Variants in MAPKAP1 observed in about 807,000 individuals in gnomAD.
MAPKAP1 encodes the protein MAPK associated protein 1.
MAPKAP1 carries 20 observed loss-of-function variants against 65.7 expected under a neutral mutation model. The ratio of observed to expected loss-of-function variants is 0.30; its 90% CI spans 0.21 to 0.44. The LOEUF is 0.44. Ranked by LOEUF, MAPKAP1 falls within the 20% of genes least tolerant of loss-of-function variation. The probability of loss-of-function intolerance (pLI) is 1.00; values close to 1 mark genes in which losing one functional copy is unlikely to be tolerated. For missense variants in MAPKAP1, 423 were observed against 648.0 expected, an observed-to-expected ratio of 0.65 and a Z score of 3.77; for synonymous variants, 222 against 244.3, an observed-to-expected ratio of 0.91 and a Z score of 0.85.
chr9:125,497,549 T>C (rs1828843808), intron 8 of MAPKAP1, among the ~76,000 whole-genome samples: 1 of 152,240 alleles, frequency 6.6e-6, no homozygotes, highest in Non-Finnish European at 1.5e-5. Flanking sequence ...GCCTAAAATG[T>C]TGTTATAATA....
At chr9:125,694,719 A>G (rs1316574303) in intron 1 of MAPKAP1, among the ~76,000 whole-genome samples, 1 of 152,230 alleles carries the variant, frequency 6.6e-6, no homozygotes, top group African/African-American at 2.4e-5. Flanking sequence ...TCAGTACTGC[A>G]AAGACTGTGG....
At chr9:125,587,291 C>T (rs1187961055) in intron 4 of MAPKAP1, among the ~76,000 whole-genome samples, 2 of 152,172 alleles carry the variant, frequency 1.3e-5, no homozygotes, top group Admixed American at 1.3e-4. Flanking sequence ...CTAGGCCAGG[C>T]GCAGTGGCTC....
chr9:125,586,723 T>C (rs372279991), intron 4 of MAPKAP1, among the ~76,000 whole-genome samples: 1 of 152,282 alleles, frequency 6.6e-6, no homozygotes, highest in South Asian at 2.1e-4. Flanking sequence ...ACAGAAGGCT[T>C]GCACACTGGC....
intron 4 of MAPKAP1, among the ~76,000 whole-genome samples, chr9:125,619,739 CATTG>C (rs1330274011): frequency 1.3e-5 from 2 of 151,744 alleles, no homozygotes; most frequent in Non-Finnish European, 2.9e-5. Flanking sequence ...AATTTCTCCA[CATTG>C]ATTAATTCAA....
chr9:125,442,799 G>C (rs781346946), intron 11 of MAPKAP1, among the ~76,000 whole-genome samples: 3 of 152,154 alleles, frequency 2.0e-5, no homozygotes, highest in Admixed American at 6.6e-5. Context: ...TGTCCTTCCA[G>C]CTGCTCTTTT....
rs192849415 is a variant in MAPKAP1, at chr9:125,677,820, G to A, written c.-69-5177C>T. On this transcript the variant is annotated intron_variant, in intron 1 of 11. Coordinates refer to ENST00000265960, the MANE Select transcript of MAPKAP1 (RefSeq NM_001006617.3). ...TCTTTCTCACACTTTTTAACACCAC[G>A]TTCTTTAAAGCATAAAGATTTGTTT... Among the ~76,000 whole-genome samples the A allele has an allele frequency of 1.4e-4, 21 of 152,116 alleles. No individual in the cohort carries two copies. The East Asian group carries it at 2.9e-3, about 21-fold the overall frequency.
At chr9:125,567,818 C>T (rs1241247508) in intron 5 of MAPKAP1, 1 of 152,210 alleles carries the variant, frequency 6.6e-6, no homozygotes, top group Non-Finnish European at 1.5e-5. Context: ...CCTGTAACAT[C>T]TTTCTGGCAA....
At chr9:125,532,247 C>G (rs12553699) in intron 7 of MAPKAP1, among the ~76,000 whole-genome samples, 44,048 of 152,050 alleles carry the variant, frequency 0.29, 7,744 homozygotes, top group Middle Eastern at 0.4. Context: ...TTTTCTACCA[C>G]AAAAAAGAGA....
rs577137135 is a variant in MAPKAP1, at chr9:125,544,984, T to C, written c.849-1816A>G. On this transcript the variant is annotated intron_variant, in intron 6 of 11. Coordinates refer to ENST00000265960, the MANE Select transcript of MAPKAP1 (RefSeq NM_001006617.3). ...CCCTCCTCTCCATACGGCTTGCTGT[T>C]TAATCCTTGACATTCCATTTGTTAA... Among the ~76,000 whole-genome samples the C allele has an allele frequency of 4.6e-5, 7 of 152,328 alleles. No individual in the cohort carries two copies. In the South Asian group the frequency reaches 1.4e-3, roughly 32 times the overall value.
intron 3 of MAPKAP1, among the ~76,000 whole-genome samples, chr9:125,663,800 T>C (rs887631234): frequency 1.3e-5 from 2 of 152,114 alleles, no homozygotes; most frequent in Non-Finnish European, 2.9e-5. Flanking sequence ...ACTATACTTC[T>C]TGAGAGCCCT....
intron 5 of MAPKAP1, among the ~76,000 whole-genome samples, chr9:125,579,679 T>G (rs925493207): frequency 6.6e-6 from 1 of 152,212 alleles, no homozygotes; most frequent in African/African-American, 2.4e-5. Context: ...ATTCCCTCTC[T>G]GTGAATGAAA....
At chr9:125,674,133 A>C (rs1363860885) in intron 1 of MAPKAP1, among the ~76,000 whole-genome samples, 5 of 152,172 alleles carry the variant, frequency 3.3e-5, no homozygotes, top group Non-Finnish European at 7.4e-5. Flanking sequence ...ATAAGATCTC[A>C]GTCAAAATAC....
chr9:125,588,755 T>C (rs1431632238), intron 4 of MAPKAP1, among the ~76,000 whole-genome samples: 1 of 152,156 alleles, frequency 6.6e-6, no homozygotes, highest in Non-Finnish European at 1.5e-5. Flanking sequence ...CCATATCCTG[T>C]TTAAATTCCT....
At chr9:125,487,501 A>T (rs1854533775) in intron 8 of MAPKAP1, among the ~76,000 whole-genome samples, 1 of 152,072 alleles carries the variant, frequency 6.6e-6, no homozygotes, top group African/African-American at 2.4e-5. Context: ...ATTAGATACA[A>T]TTTAGCTCTG....
chr9:125,488,372 C>T (rs10117700), intron 8 of MAPKAP1, among the ~76,000 whole-genome samples: 76,175 of 129,560 alleles, frequency 0.59, 19,650 homozygotes, highest in African/African-American at 0.66. Flanking sequence ...CTTTCTTTCT[C>T]TCTCTCTTTT....
At chr9:125,626,196 C>T (rs1957162771) in intron 4 of MAPKAP1, among the ~76,000 whole-genome samples, 1 of 152,238 alleles carries the variant, frequency 6.6e-6, no homozygotes. Flanking sequence ...GGTCTTTTTA[C>T]ACTTTCAGAA....
chr9:125,664,861 G>A (rs1332172427), intron 3 of MAPKAP1, among the ~76,000 whole-genome samples: 1 of 152,042 alleles, frequency 6.6e-6, no homozygotes, highest in African/African-American at 2.4e-5. Context: ...AGACTATAAA[G>A]TCTTTGGGGT....
intron 5 of MAPKAP1, among the ~76,000 whole-genome samples, chr9:125,577,026 A>G (rs1831428936): frequency 7.0e-6 from 1 of 143,412 alleles, no homozygotes; most frequent in Non-Finnish European, 1.5e-5. Flanking sequence ...CCCAGTCTGG[A>G]AAGTGAGGAG....
intron 6 of MAPKAP1, among the ~76,000 whole-genome samples, chr9:125,549,261 C>A (rs532457941): frequency 2.0e-5 from 3 of 152,344 alleles, no homozygotes; most frequent in Non-Finnish European, 2.9e-5. Context: ...TTGCTACGAG[C>A]AGTTCTCGAG....
Sources: allele counts gnomAD v4.1 joint callset (sites outside exome capture counted in the v4.1 genomes callset), GRCh38; gene constraint gnomAD v4.1.1; transcripts MANE v1.5; gene names NCBI Gene and HGNC (gene_info 2026-07-23, HGNC 2026-07-21).